The following PPM1L variants were observed in gnomAD, a reference collection of about 807,000 sequenced individuals.
PPM1L encodes the protein protein phosphatase 1L.
A neutral mutation model predicts 31.4 loss-of-function variants in PPM1L; 13 were observed. The observed-to-expected ratio is 0.41, with a 90% CI of 0.27 to 0.66. The LOEUF is 0.66. PPM1L is among the 30% of genes least tolerant of loss of function. The probability of loss-of-function intolerance (pLI) is 0.29; values close to 1 mark genes in which losing one functional copy is unlikely to be tolerated. For synonymous variants in PPM1L, 184 were observed against 175.4 expected, an observed-to-expected ratio of 1.05 and a Z score of -0.39; for missense variants, 326 against 453.7, an observed-to-expected ratio of 0.72 and a Z score of 2.56.
chr3:160,905,819 T>C (rs1205395868), intron 1 of PPM1L, among the ~76,000 whole-genome samples: 2 of 152,140 alleles, frequency 1.3e-5, no homozygotes, highest in Admixed American at 1.3e-4. Flanking sequence ...TGATTTTTGA[T>C]GGGAAAAGTA....
chr3:160,770,800 G>A (rs1715231796), intron 1 of PPM1L, among the ~76,000 whole-genome samples: 1 of 152,178 alleles, frequency 6.6e-6, no homozygotes, highest in South Asian at 2.1e-4. Context: ...TGGTTTTGGT[G>A]AAGGTCATCC....
Position 161,006,680 on chromosome 3 carries a change from CTT to C in PPM1L, c.574+44789_574+44790del, listed in dbSNP as rs1180679318. Reference sequence around the variant, plus strand: ...CACTTCAGAAAACCCACCGTCTTTCCTTTTTTTTTTTTTTTTTTTTGAGACGG... The same window carrying C: ...CACTTCAGAAAACCCACCGTCTTTCCTTTTTTTTTTTTTTTTTTGAGACGG... On this transcript the variant is annotated intron_variant, in intron 2 of 3. Transcript: ENST00000498165. Among the ~76,000 whole-genome samples the C allele has an allele frequency of 8.6e-3, 1,019 of 118,828 alleles. 11 individuals are homozygous for C. The highest frequency in any genetic ancestry group is 0.033 in the African/African-American group (964 of 29,660). 78.0% of individuals were successfully genotyped at this position (118,828 alleles called of 152,430 possible). A position where few individuals can be genotyped will look rare whatever the true frequency, so the allele number is the denominator to read the frequency against.
intron 1 of PPM1L, among the ~76,000 whole-genome samples, chr3:160,897,909 A>G (rs551054096): frequency 2.6e-5 from 4 of 152,280 alleles, no homozygotes; most frequent in African/African-American, 9.6e-5. Flanking sequence ...CTTTTCCTTC[A>G]CGTTTTACAA....
intron 1 of PPM1L, among the ~76,000 whole-genome samples, chr3:160,828,674 T>C (rs1396310888): frequency 6.6e-6 from 1 of 152,068 alleles, no homozygotes; most frequent in Non-Finnish European, 1.5e-5. Flanking sequence ...CACATGGTCA[T>C]GGTACCACCC....
intron 2 of PPM1L, among the ~76,000 whole-genome samples, chr3:160,986,243 C>A (rs2108039439): frequency 6.6e-6 from 1 of 152,190 alleles, no homozygotes; most frequent in Middle Eastern, 3.4e-3. Context: ...ACTTTTGCTA[C>A]CCATGCCCAC....
At chr3:160,886,423 C>G (rs959445279) in intron 1 of PPM1L, among the ~76,000 whole-genome samples, 3 of 152,186 alleles carry the variant, frequency 2.0e-5, no homozygotes, top group African/African-American at 7.2e-5. Flanking sequence ...CAGGGGTTTT[C>G]AGACACTCTA....
intron 1 of PPM1L, among the ~76,000 whole-genome samples, chr3:160,881,557 T>C (rs1010744752): frequency 2.6e-5 from 4 of 152,216 alleles, no homozygotes; most frequent in African/African-American, 9.6e-5. Flanking sequence ...TCCTCCAGCA[T>C]GACTCCAGTT....
intron 1 of PPM1L, among the ~76,000 whole-genome samples, chr3:160,874,087 G>C (rs1047380010): frequency 6.6e-6 from 1 of 152,126 alleles, no homozygotes; most frequent in Non-Finnish European, 1.5e-5. Flanking sequence ...TGTTATGTGG[G>C]GTTTTGTGGG....
At chr3:160,840,369 T>C (rs1255493448) in intron 1 of PPM1L, among the ~76,000 whole-genome samples, 1 of 152,152 alleles carries the variant, frequency 6.6e-6, no homozygotes, top group Non-Finnish European at 1.5e-5. Flanking sequence ...GACCATTTGC[T>C]CACTAGGTAT....
intron 2 of PPM1L, among the ~76,000 whole-genome samples, chr3:161,000,258 CAT>C (rs542742507): frequency 5.3e-5 from 8 of 152,136 alleles, no homozygotes; most frequent in Non-Finnish European, 1.2e-4. Context: ...TACAGACACT[CAT>C]ATTGTCTATA....
intron 2 of PPM1L, among the ~76,000 whole-genome samples, chr3:161,036,552 G>A (rs1187466995): frequency 6.6e-6 from 1 of 152,188 alleles, no homozygotes; most frequent in African/African-American, 2.4e-5. Flanking sequence ...AATGTGACCT[G>A]TAATTGTTAT....
chr3:160,968,413 A>G (rs551915851), intron 2 of PPM1L, among the ~76,000 whole-genome samples: 30 of 152,336 alleles, frequency 2.0e-4, no homozygotes, highest in African/African-American at 6.7e-4. Context: ...TCAAAATAGC[A>G]TTTTACACTG....
chr3:160,831,778 G>A (rs1713533165), intron 1 of PPM1L, among the ~76,000 whole-genome samples: 1 of 152,162 alleles, frequency 6.6e-6, no homozygotes, highest in South Asian at 2.1e-4. Flanking sequence ...TAGCACCTGT[G>A]TTATCTTAAG....
At chr3:160,775,883 G>T (rs763834633) in intron 1 of PPM1L, among the ~76,000 whole-genome samples, 1 of 152,166 alleles carries the variant, frequency 6.6e-6, no homozygotes, top group African/African-American at 2.4e-5. Context: ...AAATGTAAAT[G>T]AACCATATCA....
At chr3:160,918,325 G>A (rs1714264035) in intron 1 of PPM1L, among the ~76,000 whole-genome samples, 1 of 152,234 alleles carries the variant, frequency 6.6e-6, no homozygotes, top group Non-Finnish European at 1.5e-5. Flanking sequence ...TAAAGGAATG[G>A]TTGAATGAAT....
At chr3:160,775,706 A>G (rs1711543705) in intron 1 of PPM1L, among the ~76,000 whole-genome samples, 1 of 152,224 alleles carries the variant, frequency 6.6e-6, no homozygotes, top group Non-Finnish European at 1.5e-5. Context: ...AGGTGGTTCA[A>G]TTATTTGGTT....
intron 2 of PPM1L, among the ~76,000 whole-genome samples, chr3:161,010,639 A>G (rs1390605894): frequency 6.6e-6 from 1 of 152,236 alleles, no homozygotes; most frequent in Non-Finnish European, 1.5e-5. Context: ...CAGTCCCACC[A>G]ACAGTGTAAA....
At chr3:160,972,476 T>G (rs1716382310) in intron 2 of PPM1L, among the ~76,000 whole-genome samples, 3 of 152,012 alleles carry the variant, frequency 2.0e-5, no homozygotes, top group Admixed American at 2.0e-4. Context: ...TGCGATAGTT[T>G]GCTGAGAATA....
chr3:161,022,187 G>C, intron 2 of PPM1L: 1 of 670,624 alleles, frequency 1.5e-6, no homozygotes, highest in Non-Finnish European at 2.7e-6. Flanking sequence ...GAGACTGCAA[G>C]TAACACCTTA....
Sources: allele counts gnomAD v4.1 joint callset (sites outside exome capture counted in the v4.1 genomes callset), GRCh38; gene constraint gnomAD v4.1.1; transcripts MANE v1.5; gene names NCBI Gene and HGNC (gene_info 2026-07-23, HGNC 2026-07-21).